The following SLC35F4 variants were observed in gnomAD, a reference collection of about 807,000 sequenced individuals.
SLC35F4 encodes the protein solute carrier family 35 member F4, also known as chromosome 14 open reading frame 36.
In SLC35F4, 24 loss-of-function variants were observed where a neutral mutation model predicts 44.2. The ratio of observed to expected loss-of-function variants is 0.54; its 90% CI spans 0.39 to 0.76. SLC35F4 has a LOEUF of 0.76. SLC35F4 is among the 30% of genes least tolerant of loss of function. The pLI, the probability that SLC35F4 is intolerant of heterozygous loss-of-function variation, is 0.00. For missense variants in SLC35F4, 562 were observed against 586.1 expected, an observed-to-expected ratio of 0.96 and a Z score of 0.42; for synonymous variants, 238 against 223.6, an observed-to-expected ratio of 1.06 and a Z score of -0.57.
chr14:57,608,220 C>T (rs908547662), intron 1 of SLC35F4, among the ~76,000 whole-genome samples: 10 of 152,094 alleles, frequency 6.6e-5, no homozygotes, highest in Non-Finnish European at 1.0e-4. Flanking sequence ...CCCTCCCCTC[C>T]GTCAAATTCA....
intron 1 of SLC35F4, among the ~76,000 whole-genome samples, chr14:57,703,121 T>A (rs2075584490): frequency 6.6e-6 from 1 of 152,110 alleles, no homozygotes; most frequent in Non-Finnish European, 1.5e-5. Flanking sequence ...AGCAGACCAA[T>A]TCAAGTCAGG....
intron 1 of SLC35F4, among the ~76,000 whole-genome samples, chr14:57,652,405 G>T (rs928481087): frequency 6.6e-6 from 1 of 152,126 alleles, no homozygotes; most frequent in Admixed American, 6.6e-5. Context: ...TCCTCATTTT[G>T]TCCCAGGAGG....
chr14:57,780,567 C>T (rs2077592481), intron 1 of SLC35F4, among the ~76,000 whole-genome samples: 1 of 152,086 alleles, frequency 6.6e-6, no homozygotes, highest in African/African-American at 2.4e-5. Context: ...TGACATTCTT[C>T]ACAGAACTAG....
rs575164067 is a variant in SLC35F4 at position 57,578,465 on chromosome 14, G to A, written c.807+2749C>T. On this transcript the variant is annotated intron_variant, in intron 4 of 7. Coordinates refer to ENST00000556826, the MANE Select transcript of SLC35F4 (RefSeq NM_001306087.2). ...TATGTTGTCAGTGCTGTTTGCCCTC[G>A]TTTAATTTCTCAAATGACCTAATTA... 4.5e-4 allele frequency among the ~76,000 whole-genome samples: 66 copies of A among 147,146 alleles called. 2 individuals are homozygous for A. In the South Asian group the frequency reaches 0.012, roughly 27 times the overall value.
chr14:57,725,522 T>A (rs892982148), intron 1 of SLC35F4, among the ~76,000 whole-genome samples: 1 of 152,198 alleles, frequency 6.6e-6, no homozygotes, highest in Non-Finnish European at 1.5e-5. Context: ...CATAGACTCA[T>A]GGAATGCCTT....
At chr14:57,655,492 T>C (rs898782471) in intron 1 of SLC35F4, among the ~76,000 whole-genome samples, 2 of 152,106 alleles carry the variant, frequency 1.3e-5, no homozygotes, top group Non-Finnish European at 2.9e-5. Flanking sequence ...ACTCCCAGAA[T>C]TGTGCAACAC....
chr14:57,691,911 G>A (rs1399517417), intron 1 of SLC35F4, among the ~76,000 whole-genome samples: 1 of 152,160 alleles, frequency 6.6e-6, no homozygotes, highest in African/African-American at 2.4e-5. Context: ...GATAGAAGAG[G>A]GTGAGGAGAG....
At chr14:57,945,235 A>G (rs1594643401) in intron 1 of SLC35F4, among the ~76,000 whole-genome samples, 1 of 152,222 alleles carries the variant, frequency 6.6e-6, no homozygotes, top group East Asian at 1.9e-4. Context: ...AAAGCCATGC[A>G]TCCACAAACA....
intron 1 of SLC35F4, among the ~76,000 whole-genome samples, chr14:57,832,574 A>T (rs1884489478): frequency 6.6e-6 from 1 of 152,234 alleles, no homozygotes; most frequent in East Asian, 1.9e-4. Flanking sequence ...CTATTTTACT[A>T]TCTATATGTA....
chr14:57,629,234 T>C (rs1211760303), intron 1 of SLC35F4, among the ~76,000 whole-genome samples: 1 of 152,156 alleles, frequency 6.6e-6, no homozygotes, highest in Non-Finnish European at 1.5e-5. Flanking sequence ...CTACAAGGAC[T>C]GGTTTACTGT....
intron 1 of SLC35F4, among the ~76,000 whole-genome samples, chr14:57,947,052 T>C (rs1241261157): frequency 1.3e-5 from 2 of 151,608 alleles, no homozygotes; most frequent in Non-Finnish European, 2.9e-5. Context: ...TTGCACTGAA[T>C]CTATAGATTG....
rs989492579 is a variant in SLC35F4, at chr14:57,857,348, G to A, written c.103+8375C>T. ...AAGAAGGAAGTAAGGATGCACAAATGCAGAAGTTACAACCAGGCAGGTAAA... is the reference window on the plus strand; with the variant it reads ...AAGAAGGAAGTAAGGATGCACAAATACAGAAGTTACAACCAGGCAGGTAAA... On this transcript the variant is annotated intron_variant, in intron 1 of 7. Transcript: ENST00000556826. 3.9e-5 allele frequency among the ~76,000 whole-genome samples: 6 copies of A among 151,942 alleles called. No homozygotes were observed. The South Asian group carries it at 1.2e-3, about 32-fold the overall frequency.
chr14:57,675,091 A>T (rs1455949019), intron 1 of SLC35F4, among the ~76,000 whole-genome samples: 1 of 152,090 alleles, frequency 6.6e-6, no homozygotes, highest in Non-Finnish European at 1.5e-5. Context: ...AAATTCATTT[A>T]TGGTAGAAAA....
intron 1 of SLC35F4, among the ~76,000 whole-genome samples, chr14:57,937,592 AAAGAAAAGAAAAGAAAAGAAAAG>A (rs1889828365): frequency 6.6e-5 from 1 of 15,260 alleles, no homozygotes; most frequent in Admixed American, 4.9e-4. Context: ...AAAAGAAAGA[AAAGAAAAGAAAAGAAAAGAAAAG>A]AAAAGAAAAG....
chr14:57,778,187 C>T (rs888657464), intron 1 of SLC35F4, among the ~76,000 whole-genome samples: 1 of 152,196 alleles, frequency 6.6e-6, no homozygotes, highest in Non-Finnish European at 1.5e-5. Context: ...ATGACTTGCT[C>T]CTCCTTGCCT....
chr14:57,709,235 C>T (rs757175088), intron 1 of SLC35F4, among the ~76,000 whole-genome samples: 7 of 152,016 alleles, frequency 4.6e-5, no homozygotes, highest in Admixed American at 6.5e-5. Context: ...CTGATGCTAC[C>T]GCTAGACCAT....
At chr14:57,659,384 T>C (rs2074066797) in intron 1 of SLC35F4, among the ~76,000 whole-genome samples, 1 of 152,138 alleles carries the variant, frequency 6.6e-6, no homozygotes, top group Non-Finnish European at 1.5e-5. Flanking sequence ...GTCTCAGCAG[T>C]CAGAGTTTTT....
chr14:57,661,690 A>G (rs917058868), intron 1 of SLC35F4, among the ~76,000 whole-genome samples: 1 of 152,194 alleles, frequency 6.6e-6, no homozygotes, highest in African/African-American at 2.4e-5. Context: ...GCTCTTCATG[A>G]TGGGGTCATA....
intron 1 of SLC35F4, among the ~76,000 whole-genome samples, chr14:57,903,645 A>C (rs1300119432): frequency 6.6e-6 from 1 of 152,224 alleles, no homozygotes; most frequent in Non-Finnish European, 1.5e-5. Flanking sequence ...AACCTAATTT[A>C]ATCTAATTAA....
Sources: allele counts gnomAD v4.1 joint callset (sites outside exome capture counted in the v4.1 genomes callset), GRCh38; gene constraint gnomAD v4.1.1; transcripts MANE v1.5; gene names NCBI Gene and HGNC (gene_info 2026-07-23, HGNC 2026-07-21).